The following DDC variants were observed in gnomAD, a reference collection of about 807,000 sequenced individuals.
DDC encodes the protein aromatic-L-amino-acid decarboxylase.
Under a neutral mutation model 60.0 loss-of-function variants are expected in DDC, and 43 were observed. The ratio of observed to expected loss-of-function variants is 0.72; its 90% confidence interval spans 0.56 to 0.92. DDC has a LOEUF of 0.92. DDC is among the 40% of genes least tolerant of loss of function. DDC has a pLI of 0.00. For synonymous variants in DDC, 232 were observed against 234.6 expected (o/e 0.99, Z 0.10); for missense variants, 573 against 620.2 (o/e 0.92, Z 0.81).
intron 1 of DDC, among the ~76,000 whole-genome samples, chr7:50,557,175 A>G (rs1044813511): frequency 6.6e-5 from 10 of 152,228 alleles, no homozygotes; most frequent in African/African-American, 9.6e-5. Flanking sequence ...CTCTGCTGAC[A>G]TGAAGGAGGA....
At chr7:50,548,212 G>T (rs1397234248) in intron 1 of DDC, among the ~76,000 whole-genome samples, 1 of 152,100 alleles carries the variant, frequency 6.6e-6, no homozygotes, top group Non-Finnish European at 1.5e-5. Context: ...TTGAAATTAG[G>T]TCAGTTAGTA....
At chr7:50,491,584 G>GA (rs886322584) in intron 9 of DDC, among the ~76,000 whole-genome samples, 12 of 151,766 alleles carry the variant, frequency 7.9e-5, no homozygotes, top group African/African-American at 2.4e-4. Flanking sequence ...TATGCCAAAG[G>GA]AAAAAAAATA....
intron 7 of DDC, 40 bp downstream of exon 7, chr7:50,503,953 G>A: frequency 7.0e-7 from 1 of 1,429,006 alleles, no homozygotes; most frequent in Non-Finnish European, 9.9e-7. Context: ...CCCGTGTACA[G>A]AGAACATTTT....
chr7:50,557,042 G>A (rs2045210833), intron 1 of DDC, among the ~76,000 whole-genome samples: 1 of 152,154 alleles, frequency 6.6e-6, no homozygotes, highest in Non-Finnish European at 1.5e-5. Flanking sequence ...CCTGTGTCTA[G>A]CAATTATTAT....
intron 11 of DDC, among the ~76,000 whole-genome samples, chr7:50,474,281 A>C (rs1443908934): frequency 6.6e-6 from 1 of 152,228 alleles, no homozygotes; most frequent in Non-Finnish European, 1.5e-5. Flanking sequence ...TGGTGGGCTC[A>C]AGTCTTCTGG....
intron 13 of DDC, among the ~76,000 whole-genome samples, chr7:50,464,345 C>T (rs766726712): frequency 4.6e-5 from 7 of 152,080 alleles, no homozygotes; most frequent in Non-Finnish European, 1.0e-4. Flanking sequence ...TGCAAATCCC[C>T]TGGCCTCTAG....
chr7:50,481,140 C>G (rs991543973), intron 9 of DDC, among the ~76,000 whole-genome samples: 3 of 152,156 alleles, frequency 2.0e-5, no homozygotes, highest in African/African-American at 7.2e-5. Flanking sequence ...AAATAGGATG[C>G]TGAGATGTGG....
chr7:50,487,793 A>G (rs1332751332), intron 9 of DDC, among the ~76,000 whole-genome samples: 1 of 152,156 alleles, frequency 6.6e-6, no homozygotes, highest in African/African-American at 2.4e-5. Flanking sequence ...ATAAAATTAG[A>G]AAGTCTTAAG....
At chr7:50,509,935 T>A (rs1043218818) in intron 6 of DDC, among the ~76,000 whole-genome samples, 5 of 152,098 alleles carry the variant, frequency 3.3e-5, no homozygotes, top group African/African-American at 9.7e-5. Flanking sequence ...ATAAGTAAAT[T>A]TTCTCATTTA....
intron 6 of DDC, among the ~76,000 whole-genome samples, chr7:50,520,680 G>A (rs539358773): frequency 7.0e-4 from 107 of 152,262 alleles, no homozygotes; most frequent in Non-Finnish European, 1.1e-3. Context: ...TTGGGAGGCC[G>A]AGGCAGGCGG....
intron 11 of DDC, 23 bp downstream of exon 11, chr7:50,476,601 T>G (rs747449287): frequency 6.2e-7 from 1 of 1,605,872 alleles, no homozygotes; most frequent in Admixed American, 1.7e-5. Flanking sequence ...GCATTTGAGA[T>G]TACAGTGGAA....
chr7:50,526,349 A>G (rs577986192), intron 6 of DDC, among the ~76,000 whole-genome samples: 1 of 152,312 alleles, frequency 6.6e-6, no homozygotes, highest in African/African-American at 2.4e-5. Context: ...CCCAGAAAAA[A>G]TATCTTCCAA....
chr7:50,555,738 GACT>G (rs1455525712), intron 1 of DDC, among the ~76,000 whole-genome samples: 1 of 152,140 alleles, frequency 6.6e-6, no homozygotes, highest in Non-Finnish European at 1.5e-5. Context: ...ACCTTGTCAG[GACT>G]ACTATTACTC....
intron 6 of DDC, among the ~76,000 whole-genome samples, chr7:50,514,055 C>T (rs1324762867): frequency 6.6e-6 from 1 of 152,138 alleles, no homozygotes; most frequent in African/African-American, 2.4e-5. Flanking sequence ...CGCTAAGAAC[C>T]CTCACGGAGT....
At chr7:50,532,687 A>C (rs1392989483) in intron 4 of DDC, among the ~76,000 whole-genome samples, 1 of 152,258 alleles carries the variant, frequency 6.6e-6, no homozygotes, top group Non-Finnish European at 1.5e-5. Context: ...CATAATTGCT[A>C]TTCAATGAAA....
rs76885331 is a variant in DDC at position 50,528,384 on chromosome 7, C to T, written c.571-104G>A. On this transcript the variant is annotated intron_variant, in intron 5 of 14. Transcript: ENST00000444124. ...AGCCAACATTGCAAACACAAGGTCCCTCTTAACGGCACAGGAGGCAGAACT... is the reference window on the plus strand; with the variant it reads ...AGCCAACATTGCAAACACAAGGTCCTTCTTAACGGCACAGGAGGCAGAACT... 4.3e-5 allele frequency: 62 copies of T among 1,428,382 alleles called. No homozygotes were observed. In the East Asian group the frequency reaches 1.3e-3, roughly 30 times the overall value. The allele number at this position is 1,428,382 out of a possible 1,614,324, so 88.5% of individuals were successfully genotyped here.
intron 6 of DDC, among the ~76,000 whole-genome samples, chr7:50,523,583 T>C (rs2043956962): frequency 6.6e-6 from 1 of 152,178 alleles, no homozygotes; most frequent in African/African-American, 2.4e-5. Flanking sequence ...CAACATCATA[T>C]GTTATTACAG....
chr7:50,493,029 T>C (rs752378717), intron 9 of DDC: 1 of 1,564,298 alleles, frequency 6.4e-7, no homozygotes, highest in Non-Finnish European at 8.7e-7. Context: ...GCCGCATTCA[T>C]TACACTCCTT....
At chr7:50,495,184 T>A (rs2043101470) in intron 9 of DDC, among the ~76,000 whole-genome samples, 166 bp downstream of exon 9, 1 of 152,210 alleles carries the variant, frequency 6.6e-6, no homozygotes, top group Non-Finnish European at 1.5e-5. Flanking sequence ...GATAAAAGTT[T>A]CCAGTGAGGC....
Sources: gnomAD v4.1 joint callset for allele counts (sites outside exome capture counted in the v4.1 genomes callset) on GRCh38, gnomAD v4.1.1 for gene constraint, MANE v1.5 for transcripts, NCBI Gene and HGNC (gene_info 2026-07-23, HGNC 2026-07-21) for gene names.